The following ACACA variants were observed in gnomAD, a reference collection of about 807,000 sequenced individuals.
The protein encoded by ACACA is acetyl-CoA carboxylase 1.
In ACACA, 103 loss-of-function variants were observed where a neutral mutation model predicts 296.1. The observed-to-expected ratio is 0.35, with a 90% CI of 0.30 to 0.41. ACACA has a LOEUF of 0.41. ACACA is among the 10% of genes least tolerant of loss of function. The probability of loss-of-function intolerance (pLI) is 1.00; values close to 1 mark genes in which losing one functional copy is unlikely to be tolerated. For missense variants in ACACA, 1,554 were observed against 2,989.7 expected (o/e 0.52, Z 11.20); for synonymous variants, 953 against 1,038.6 (o/e 0.92, Z 1.58).
chr17:37,245,374 A>G (rs1336996589), intron 19 of ACACA, among the ~76,000 whole-genome samples, 160 bp from the exon 20 acceptor site: 1 of 152,266 alleles, frequency 6.6e-6, no homozygotes, highest in Non-Finnish European at 1.5e-5. Context: ...TATCAAGGCA[A>G]GCAATTAGAA....
At chr17:37,374,917 C>T (rs550523646) in intron 1 of ACACA, among the ~76,000 whole-genome samples, 13 of 151,962 alleles carry the variant, frequency 8.6e-5, no homozygotes, top group African/African-American at 1.9e-4. Flanking sequence ...GGTTCACGGC[C>T]GGCTGGGGTG....
chr17:37,312,857 T>C (rs897925410), intron 3 of ACACA, among the ~76,000 whole-genome samples: 1 of 151,030 alleles, frequency 6.6e-6, no homozygotes, highest in African/African-American at 2.4e-5. Flanking sequence ...CAAGACCCCA[T>C]CTCTACAAAA....
chr17:37,237,625 T>C (rs1296498795), intron 24 of ACACA, among the ~76,000 whole-genome samples: 1 of 152,248 alleles, frequency 6.6e-6, no homozygotes, highest in Non-Finnish European at 1.5e-5. Flanking sequence ...TTCTGTAAAA[T>C]ATCTTTCTAT....
rs1181522445 is a variant in ACACA, at chr17:37,225,110, A to T, written c.3361-5T>A. On this transcript the variant is annotated splice_polypyrimidine_tract_variant and splice_region_variant and intron_variant, in intron 26 of 55. Coordinates refer to ENST00000616317, the MANE Select transcript of ACACA (RefSeq NM_198834.3). ...CAAATGGGAGGCAATAAGAACCTAGAGTGAGAACAAAATAGGAGGCACACA... is the reference window on the plus strand; with the variant it reads ...CAAATGGGAGGCAATAAGAACCTAGTGTGAGAACAAAATAGGAGGCACACA... 1 of 1,550,870 alleles carries T rather than the reference A, an allele frequency of 6.4e-7. No individual in the cohort carries two copies. Among genetic ancestry groups the T allele is most frequent in the Non-Finnish European group, 8.9e-7 (1 of 1,122,818 alleles).
In ACACA at chr17:37,113,219, G is replaced by A; in HGVS notation, c.6321C>T (p.Gly2107=). ...GCACAGGCTGGCAGCACTCCCTCAA[G>A]CCATCCACAATGTAAGCACCAAACT... is the stretch of plus-strand genomic sequence containing the variant. ...VLKFGAYIVD[G]LRECCQPVLV... Residue 2107 remains glycine (G), a synonymous_variant, in exon 51 of 56, where the codon GGC becomes GGT. Coordinates refer to ENST00000616317, the MANE Select transcript of ACACA (RefSeq NM_198834.3). The surrounding 1 kb of genome is among the most constrained non-coding windows in gnomAD (Gnocchi z 4.0). 6.2e-7 allele frequency: 1 copy of A among 1,614,178 alleles called. No individual in the cohort carries two copies. The highest frequency in any genetic ancestry group is 8.5e-7 in the Non-Finnish European group (1 of 1,180,026).
At chr17:37,280,287 C>T (rs1055525438) in intron 5 of ACACA, among the ~76,000 whole-genome samples, 2 of 152,172 alleles carry the variant, frequency 1.3e-5, no homozygotes, top group African/African-American at 2.4e-5. Flanking sequence ...TGGCTCACTG[C>T]GACCTCGACC....
chr17:37,376,030 G>A, intron 1 of ACACA: 1 of 1,410,254 alleles, frequency 7.1e-7, no homozygotes, highest in East Asian at 2.3e-5. Flanking sequence ...TAGAGGCAGA[G>A]CTATCAAGGG....
intron 3 of ACACA, among the ~76,000 whole-genome samples, chr17:37,302,754 G>A (rs1178583010): frequency 6.6e-6 from 1 of 151,972 alleles, no homozygotes; most frequent in Non-Finnish European, 1.5e-5. Flanking sequence ...CTAGCATATA[G>A]AAATATACTT....
intron 44 of ACACA, 105 bp downstream of exon 44, chr17:37,151,196 T>C: frequency 7.6e-7 from 1 of 1,310,800 alleles, no homozygotes; most frequent in Non-Finnish European, 1.1e-6. Context: ...CATACAATCT[T>C]CAAGAAATGC....
chr17:37,117,040 C>A (rs1403950677), intron 50 of ACACA, among the ~76,000 whole-genome samples: 1 of 152,208 alleles, frequency 6.6e-6, no homozygotes, highest in Non-Finnish European at 1.5e-5. Context: ...CACACACAAC[C>A]TTTGCAGTGT....
rs543402041 is a variant in ACACA at position 37,227,721 on chromosome 17, G to A, written c.3247-1269C>T. ...TAAAAATACAAAAAATTAGCCGGGC[G>A]TGGTGGCGGGCGCCTGTAGTCCCAG... On this transcript the variant is annotated intron_variant, in intron 25 of 55. Coordinates refer to ENST00000616317, the MANE Select transcript of ACACA (RefSeq NM_198834.3). 1.1e-3 allele frequency among the ~76,000 whole-genome samples: 170 copies of A among 151,916 alleles called. 1 individual carries two copies. Among genetic ancestry groups the A allele is most frequent in the Admixed American group, 7.0e-3 (107 of 15,256 alleles).
At chr17:37,223,849 G>A (rs2079407824) in intron 27 of ACACA, among the ~76,000 whole-genome samples, 1 of 152,200 alleles carries the variant, frequency 6.6e-6, no homozygotes, top group African/African-American at 2.4e-5. Flanking sequence ...TGCATTATTT[G>A]TATGCTAATA....
chr17:37,379,213 C>T (rs1224492300), intron 1 of ACACA: 2 of 1,614,022 alleles, frequency 1.2e-6, no homozygotes, highest in Non-Finnish European at 1.7e-6. Context: ...TTGGCTCTGA[C>T]AGCAAAGTAA....
chr17:37,171,011 C>T (rs2076863745), intron 41 of ACACA, among the ~76,000 whole-genome samples: 1 of 152,164 alleles, frequency 6.6e-6, no homozygotes, highest in South Asian at 2.1e-4. Context: ...AATATCTTTG[C>T]CACAGCTGCC....
At chr17:37,299,544 T>C in intron 3 of ACACA, 2 of 1,414,382 alleles carry the variant, frequency 1.4e-6, no homozygotes, top group Non-Finnish European at 9.2e-7. Context: ...TTTCCCCACC[T>C]TTCTCTTCCT....
intron 22 of ACACA, among the ~76,000 whole-genome samples, 176 bp from the exon 23 acceptor site, chr17:37,242,229 T>C (rs1053541151): frequency 1.3e-5 from 2 of 152,120 alleles, no homozygotes; most frequent in Non-Finnish European, 2.9e-5. Context: ...TCACGCTACA[T>C]AAGCAAGCAG....
chr17:37,267,582 A>G (rs2081844792), intron 10 of ACACA, among the ~76,000 whole-genome samples: 1 of 151,808 alleles, frequency 6.6e-6, no homozygotes. Flanking sequence ...ATCTTTTTCT[A>G]GATTTTTTTG....
rs2082270872 is a variant in ACACA at position 37,276,031 on chromosome 17, A to G, written c.821T>C (p.Met274Thr). Reference sequence around the variant, plus strand: ...TGCAATCTTATCCCCTAAAGCCCACATGGCCTGGCTTGGAGGACCTAAAAA... The same window carrying G: ...TGCAATCTTATCCCCTAAAGCCCACGTGGCCTGGCTTGGAGGACCTAAAAA... ...IAFMGPPSQA[M>T]WALGDKIASS... The change falls in exon 8 of 56, where the codon ATG (methionine) becomes ACG (threonine). Residue 274 changes from methionine (M) to threonine (T), a missense_variant. By Grantham distance (81) the Met-to-Thr change is moderately conservative. This residue lies in a region of ACACA where 29 missense variants were observed against 90.3 expected (regional missense o/e 0.32). Coordinates refer to ENST00000616317, the MANE Select transcript of ACACA (RefSeq NM_198834.3). 1.2e-6 allele frequency: 2 copies of G among 1,614,074 alleles called. No individual in the cohort carries two copies. Among genetic ancestry groups the G allele is most frequent in the South Asian group, 1.1e-5 (1 of 91,092 alleles).
intron 1 of ACACA, among the ~76,000 whole-genome samples, chr17:37,390,155 T>TAC: frequency 1.9e-5 from 1 of 53,702 alleles, no homozygotes; most frequent in East Asian, 5.5e-4. Flanking sequence ...TATATATATA[T>TAC]ATATATATAT....
Sources: gnomAD v4.1 joint callset for allele counts (sites outside exome capture counted in the v4.1 genomes callset) on GRCh38, gnomAD v4.1.1 for gene constraint, gnomAD v4.1.1 regional missense constraint, Gnocchi (gnomAD v3.1) non-coding constraint, MANE v1.5 for transcripts, NCBI Gene and HGNC (gene_info 2026-07-23, HGNC 2026-07-21) for gene names.